Variants in PTPRG observed in about 807,000 individuals in gnomAD.
The protein encoded by PTPRG is receptor-type tyrosine-protein phosphatase gamma.
PTPRG carries 102 observed loss-of-function variants against 165.3 expected under a neutral mutation model. That is an observed-to-expected ratio of 0.62 (90% CI 0.53 to 0.73). The LOEUF (loss-of-function observed/expected upper bound fraction) is 0.73. Ranked by LOEUF, PTPRG falls within the 30% of genes least tolerant of loss-of-function variation. The pLI is 0.00. For missense variants in PTPRG, 1,866 were observed against 1,861.4 expected (o/e 1.00, Z -0.05); for synonymous variants, 675 against 669.5 (o/e 1.01, Z -0.13).
chr3:62,068,767 C>G (rs948035569), intron 4 of PTPRG, among the ~76,000 whole-genome samples: 2 of 152,148 alleles, frequency 1.3e-5, no homozygotes, highest in Non-Finnish European at 2.9e-5. Flanking sequence ...AAGTATATGC[C>G]TCATAGCCCT....
intron 1 of PTPRG, among the ~76,000 whole-genome samples, chr3:61,729,821 TC>T (rs2032419956): frequency 6.6e-6 from 1 of 152,214 alleles, no homozygotes; most frequent in Admixed American, 6.5e-5. Flanking sequence ...TGTACTCTGC[TC>T]ATTAATGTAC....
intron 2 of PTPRG, among the ~76,000 whole-genome samples, chr3:61,803,211 C>T (rs1393371606): frequency 6.6e-6 from 1 of 151,816 alleles, no homozygotes; most frequent in Non-Finnish European, 1.5e-5. Context: ...AGTGGTCATA[C>T]TAAAAAAGTA....
In PTPRG at chr3:62,229,495, A is replaced by G. The variant is rs540361221; in HGVS notation, c.2289-1730A>G. ...CAAAAGCGGAAAGAGATTCACTGCT[A>G]AAGGTTGCCAGTTAAACATGCTCCA... is the stretch of plus-strand genomic sequence containing the variant. On this transcript the variant is annotated intron_variant, in intron 13 of 29. Transcript: ENST00000474889. The surrounding 1 kb of genome is among the most constrained non-coding windows in gnomAD (Gnocchi z 4.6). Among the ~76,000 whole-genome samples, 1 of 152,206 alleles carries G rather than the reference A, an allele frequency of 6.6e-6. No homozygotes were observed. The highest frequency in any genetic ancestry group is 6.5e-5 in the Admixed American group (1 of 15,286).
At chr3:61,800,327 G>GA (rs1290132243) in intron 2 of PTPRG, among the ~76,000 whole-genome samples, 1 of 151,900 alleles carries the variant, frequency 6.6e-6, no homozygotes, top group Non-Finnish European at 1.5e-5. Flanking sequence ...AATAAAGACA[G>GA]AAAACACAAA....
In PTPRG at chr3:61,694,530, T is replaced by C. The variant is rs2030444129; in HGVS notation, c.86-54348T>C. ...CCACAGAAAGTAAAAATACGCATAC[T>C]TTCTGACTCAGTGATCCCACTTCTG... is the stretch of plus-strand genomic sequence containing the variant. On this transcript the variant is annotated intron_variant, in intron 1 of 29. Transcript: ENST00000474889. Among the ~76,000 whole-genome samples, 3 of 152,210 alleles carry C rather than the reference T, an allele frequency of 2.0e-5. No individual in the cohort carries two copies. The South Asian group carries it at 6.2e-4, about 31-fold the overall frequency.
chr3:61,799,300 C>A (rs1001575291), intron 2 of PTPRG, among the ~76,000 whole-genome samples: 2 of 152,118 alleles, frequency 1.3e-5, no homozygotes, highest in Non-Finnish European at 2.9e-5. Context: ...CATACTTAAT[C>A]TGTGCAGTAC....
chr3:61,849,048 C>G (rs1482395250), intron 2 of PTPRG, among the ~76,000 whole-genome samples: 2 of 152,120 alleles, frequency 1.3e-5, no homozygotes, highest in African/African-American at 4.8e-5. Context: ...TTCTTGCAGT[C>G]TTTGGAGTAC....
chr3:62,018,652 A>G (rs2041609137), intron 4 of PTPRG, among the ~76,000 whole-genome samples: 1 of 152,230 alleles, frequency 6.6e-6, no homozygotes, highest in African/African-American at 2.4e-5. Flanking sequence ...TGAATACATT[A>G]ATAAAACTCA....
intron 4 of PTPRG, among the ~76,000 whole-genome samples, chr3:62,063,845 G>A (rs349176): frequency 0.023 from 3,480 of 152,178 alleles, 127 homozygotes; most frequent in African/African-American, 0.078. Flanking sequence ...GAGTGTTAGT[G>A]AGCTTGAGTA....
chr3:62,287,606 A>C (rs1427749370), intron 28 of PTPRG, among the ~76,000 whole-genome samples: 1 of 152,158 alleles, frequency 6.6e-6, no homozygotes, highest in Non-Finnish European at 1.5e-5. Flanking sequence ...TATGTCTAAA[A>C]AGTTATCCAT....
intron 5 of PTPRG, among the ~76,000 whole-genome samples, chr3:62,089,687 A>C (rs1391476576): frequency 6.6e-6 from 1 of 152,134 alleles, no homozygotes; most frequent in Non-Finnish European, 1.5e-5. Context: ...GCATTCACTC[A>C]CCTCAACAAG....
intron 2 of PTPRG, among the ~76,000 whole-genome samples, chr3:61,943,737 C>G (rs1217301673): frequency 1.3e-5 from 2 of 152,144 alleles, no homozygotes; most frequent in Non-Finnish European, 2.9e-5. Context: ...TCATGGGGTA[C>G]GTCAAAATTT....
At chr3:61,924,968 G>T (rs2039171049) in intron 2 of PTPRG, among the ~76,000 whole-genome samples, 1 of 152,168 alleles carries the variant, frequency 6.6e-6, no homozygotes, top group Non-Finnish European at 1.5e-5. Flanking sequence ...GAAGAGAGAT[G>T]ATATCTGCAA....
At chr3:61,735,599 G>C (rs987818540) in intron 1 of PTPRG, among the ~76,000 whole-genome samples, 1 of 151,596 alleles carries the variant, frequency 6.6e-6, no homozygotes, top group Non-Finnish European at 1.5e-5. Context: ...AAGCCGATGA[G>C]AGGCCTGTGT....
chr3:62,245,871 A>T lies in PTPRG; in HGVS notation c.2467+1973A>T, dbSNP rs900662761. Reference sequence around the variant, plus strand: ...CATCCACTAGGTGTGCCCTACCTTGAATCACTCTTCTTTGATATAGGCTTT... The same window carrying T: ...CATCCACTAGGTGTGCCCTACCTTGTATCACTCTTCTTTGATATAGGCTTT... On this transcript the variant is annotated intron_variant, in intron 15 of 29. Coordinates refer to ENST00000474889, the MANE Select transcript of PTPRG (RefSeq NM_002841.4). The surrounding 1 kb of genome is among the most constrained non-coding windows in gnomAD (Gnocchi z 4.2). Among the ~76,000 whole-genome samples, 2 of 152,056 alleles carry T rather than the reference A, an allele frequency of 1.3e-5. No homozygotes were observed. The highest frequency in any genetic ancestry group is 4.8e-5 in the African/African-American group (2 of 41,408).
At chr3:62,090,436 A>T (rs1701890213) in intron 5 of PTPRG, among the ~76,000 whole-genome samples, 1 of 152,176 alleles carries the variant, frequency 6.6e-6, no homozygotes. Context: ...TCTTTTAGGA[A>T]AAGAGATGAA....
At position 62,293,354 on chromosome 3, in the gene PTPRG, G is replaced by T; in HGVS notation, c.*47G>T. ...TAATTTGTAAACTTCTGAAGACTGA[G>T]AACTTTTTTGAGGCCTTTTTTGCCA... On this transcript the variant is annotated 3_prime_UTR_variant, in exon 30 of 30. Transcript: ENST00000474889. 1 of 1,461,040 alleles carries T rather than the reference G, an allele frequency of 6.8e-7. No homozygotes were observed. The highest frequency in any genetic ancestry group is 2.4e-5 in the East Asian group (1 of 41,140). The allele number at this position is 1,461,040 out of a possible 1,614,324, so 90.5% of individuals were successfully genotyped here.
At chr3:61,669,228 T>A (rs996500435) in intron 1 of PTPRG, among the ~76,000 whole-genome samples, 3 of 152,136 alleles carry the variant, frequency 2.0e-5, no homozygotes, top group Admixed American at 2.0e-4. Flanking sequence ...TCAGGCAAGA[T>A]TTTTTCAGGG....
chr3:61,742,813 A>G, intron 1 of PTPRG: 1 of 1,605,910 alleles, frequency 6.2e-7, no homozygotes, highest in South Asian at 1.1e-5. Flanking sequence ...CTTCTTGACC[A>G]GTTTTTTATT....
Sources: gnomAD v4.1 joint callset for allele counts (sites outside exome capture counted in the v4.1 genomes callset) on GRCh38, gnomAD v4.1.1 for gene constraint, Gnocchi (gnomAD v3.1) non-coding constraint, MANE v1.5 for transcripts, NCBI Gene and HGNC (gene_info 2026-07-23, HGNC 2026-07-21) for gene names.